The following AMPD3 variants were observed in gnomAD, a reference collection of about 807,000 sequenced individuals.
AMPD3 encodes the protein AMP deaminase 3.
In AMPD3, 57 loss-of-function variants were observed where a neutral mutation model predicts 82.3. The ratio of observed to expected loss-of-function variants is 0.69; its 90% confidence interval spans 0.56 to 0.86. AMPD3 has a LOEUF of 0.86. Among genes scored for constraint, AMPD3 ranks in the 40% least tolerant of loss-of-function variants. AMPD3 has a pLI of 0.00. For synonymous variants in AMPD3, 381 were observed against 394.7 expected (o/e 0.97, Z 0.41); for missense variants, 870 against 1,003.8 (o/e 0.87, Z 1.80).
chr11:10,487,420 G>A, intron 6 of AMPD3, 56 bp downstream of exon 6: 3 of 1,610,150 alleles, frequency 1.9e-6, no homozygotes, highest in Middle Eastern at 1.7e-4. Context: ...CCCAGCCCAT[G>A]GGATGCCCTG....
At chr11:10,457,904 G>A (rs1353053097) in intron 1 of AMPD3, among the ~76,000 whole-genome samples, 1 of 151,506 alleles carries the variant, frequency 6.6e-6, no homozygotes, top group Non-Finnish European at 1.5e-5. Flanking sequence ...ATCAATCAAT[G>A]AATAAATGCA....
intron 2 of AMPD3, among the ~76,000 whole-genome samples, chr11:10,475,725 A>G (rs1354094086): frequency 2.0e-5 from 3 of 152,144 alleles, no homozygotes; most frequent in Non-Finnish European, 4.4e-5. Context: ...AGGGGAGGGC[A>G]GAGAGATTCA....
chr11:10,469,060 C>A (rs1048730003), intron 2 of AMPD3, among the ~76,000 whole-genome samples: 2 of 152,170 alleles, frequency 1.3e-5, no homozygotes. Context: ...AAAATCAACA[C>A]CCTAACATCA....
rs148505327 is a variant in AMPD3 at position 10,481,069 on chromosome 11, T to C, written c.427-994T>C. On this transcript the variant is annotated intron_variant, in intron 3 of 14. Coordinates refer to ENST00000396553, the MANE Select transcript of AMPD3 (RefSeq NM_001025389.2). Reference sequence around the variant, plus strand: ...ACTCAATCAGGTTAGAGTCTGAAATTTGACTCTGTAGCTTCCTGGCAAGTG... The same window carrying C: ...ACTCAATCAGGTTAGAGTCTGAAATCTGACTCTGTAGCTTCCTGGCAAGTG... Among the ~76,000 whole-genome samples the C allele has an allele frequency of 1.1e-3, 164 of 152,326 alleles. 1 individual carries two copies. The highest frequency in any genetic ancestry group is 3.7e-3 in the African/African-American group (154 of 41,576).
At position 10,496,781 on chromosome 11, in the gene AMPD3, A is replaced by G. The variant is rs1314328587; in HGVS notation, c.1431-31A>G. On this transcript the variant is annotated intron_variant, in intron 9 of 14. Transcript: ENST00000396553. ...GACAGGGCAGCAGGCTGTTGGATCC[A>G]CCTGACAAGCGAGTCTTTGCTGTCC... 2.5e-6 allele frequency: 4 copies of G among 1,614,104 alleles called. No individual in the cohort carries two copies. In the East Asian group the frequency reaches 8.9e-5, roughly 36 times the overall value.
chr11:10,503,749 A>G, intron 13 of AMPD3, among the ~76,000 whole-genome samples: 1 of 152,190 alleles, frequency 6.6e-6, no homozygotes, highest in East Asian at 1.9e-4. Flanking sequence ...TAATGTCTTA[A>G]TGGAAGTCAG....
chr11:10,488,663 A>G (rs2133907266), intron 6 of AMPD3, among the ~76,000 whole-genome samples: 1 of 152,102 alleles, frequency 6.6e-6, no homozygotes, highest in South Asian at 2.1e-4. Flanking sequence ...TGTGGTGGCG[A>G]GCTGGGAGAG....
Position 10,496,796 on chromosome 11 carries a change from C to T in AMPD3, c.1431-16C>T, listed in dbSNP as rs769642312. 5.0e-6 allele frequency: 8 copies of T among 1,614,122 alleles called. No homozygotes were observed. The highest frequency in any genetic ancestry group is 2.2e-5 in the South Asian group (2 of 91,078). Reference sequence around the variant, plus strand: ...TGTTGGATCCACCTGACAAGCGAGTCTTTGCTGTCCCCCAGTGACATATTT... The same window carrying T: ...TGTTGGATCCACCTGACAAGCGAGTTTTTGCTGTCCCCCAGTGACATATTT... On this transcript the variant is annotated splice_polypyrimidine_tract_variant and intron_variant, in intron 9 of 14. Coordinates refer to ENST00000396553, the MANE Select transcript of AMPD3 (RefSeq NM_001025389.2).
intron 6 of AMPD3, chr11:10,490,558 C>A: frequency 1.0e-6 from 1 of 985,372 alleles, no homozygotes; most frequent in Non-Finnish European, 1.2e-6. Context: ...CTCTGGTGAA[C>A]TGAAAACACT....
At chr11:10,502,549 G>C (rs1849608116) in intron 12 of AMPD3, 172 bp from the exon 13 acceptor site, 3 of 985,366 alleles carry the variant, frequency 3.0e-6, no homozygotes, top group Non-Finnish European at 3.6e-6. Context: ...TGGGGAAGGG[G>C]AGAGTGGGTC....
chr11:10,496,827 A>G lies in AMPD3; in HGVS notation c.1446A>G (p.Ser482=). 1.2e-6 allele frequency: 2 copies of G among 1,614,188 alleles called. No individual in the cohort carries two copies. The highest frequency in any genetic ancestry group is 1.7e-6 in the Non-Finnish European group (2 of 1,180,032). The change falls in exon 10 of 15, where the codon TCA becomes TCG. Residue 482 remains serine (S), a synonymous_variant. Transcript: ENST00000396553. ...QVPRIYDIFR[S]KKLLPNFGKM... is the part of the protein sequence containing the mutation. ...TGTCCCCCAGTGACATATTTAGGTC[A>G]AAGAAGCTGCTGCCAAACTTTGGGA...
At chr11:10,455,244 T>C (rs1591434106), upstream of AMPD3, 2 of 985,350 alleles carry the variant, frequency 2.0e-6, no homozygotes. Context: ...GGAGGCTATG[T>C]GTCTGTTCTG....
chr11:10,477,049 G>A, intron 2 of AMPD3: 2 of 985,496 alleles, frequency 2.0e-6, no homozygotes, highest in Non-Finnish European at 2.4e-6. Flanking sequence ...AGAGGGCCAT[G>A]GCAAGCACTG....
At position 10,456,325 on chromosome 11, in the gene AMPD3, C is replaced by T; in HGVS notation, c.-6+877C>T. On this transcript the variant is annotated intron_variant, in intron 1 of 14. Coordinates refer to ENST00000396553, the MANE Select transcript of AMPD3 (RefSeq NM_001025389.2). This position sits in a 1 kb window ranked among gnomAD's most constrained non-coding sequence, Gnocchi z 4.3. ...CGCACGCACTGACTCAGCTGAGCCT[C>T]CTGGGTGGCAGGCAGCACCTCACCC... The T allele has an allele frequency of 4.3e-6, 7 of 1,612,406 alleles. No individual in the cohort carries two copies. The highest frequency in any genetic ancestry group is 5.9e-6 in the Non-Finnish European group (7 of 1,178,828).
chr11:10,457,274 G>A (rs971850154), intron 1 of AMPD3, among the ~76,000 whole-genome samples: 5 of 151,902 alleles, frequency 3.3e-5, no homozygotes, highest in African/African-American at 7.3e-5. Context: ...CACTGCACCC[G>A]GTCTTGGAAT....
chr11:10,502,012 G>T, intron 12 of AMPD3: 1 of 985,450 alleles, frequency 1.0e-6, no homozygotes, highest in Non-Finnish European at 1.2e-6. Flanking sequence ...GTTGTTGGAT[G>T]AAGGGTCTGC....
At position 10,456,441 on chromosome 11, in the gene AMPD3, G is replaced by A. The variant is rs777549288; in HGVS notation, c.-6+993G>A. ...CTTCTGCAAGGGGAGTCTGGCAAGAGTAGGAACCAGCTTCCTTCGTATAAC... is the reference window on the plus strand; with the variant it reads ...CTTCTGCAAGGGGAGTCTGGCAAGAATAGGAACCAGCTTCCTTCGTATAAC... On this transcript the variant is annotated intron_variant, in intron 1 of 14. Transcript: ENST00000396553. The surrounding 1 kb of genome is among the most constrained non-coding windows in gnomAD (Gnocchi z 4.3). 2 of 1,613,804 alleles carry A rather than the reference G, an allele frequency of 1.2e-6. No homozygotes were observed. Among genetic ancestry groups the A allele is most frequent in the Middle Eastern group, 1.7e-4 (1 of 6,056 alleles).
chr11:10,452,737 A>C (rs146609298), upstream of AMPD3, among the ~76,000 whole-genome samples: 353 of 152,328 alleles, frequency 2.3e-3, 1 homozygote, highest in African/African-American at 8.0e-3. Flanking sequence ...GTTGGCAGAT[A>C]ATGCTTATAA....
chr11:10,468,534 C>T (rs1011752947), intron 2 of AMPD3, among the ~76,000 whole-genome samples: 1 of 152,140 alleles, frequency 6.6e-6, no homozygotes, highest in African/African-American at 2.4e-5. Context: ...GTCTTAGAGA[C>T]CTACAAAGAG....
Sources: allele counts gnomAD v4.1 joint callset (sites outside exome capture counted in the v4.1 genomes callset), GRCh38; gene constraint gnomAD v4.1.1; non-coding constraint Gnocchi (gnomAD v3.1); transcripts MANE v1.5; gene names NCBI Gene and HGNC (gene_info 2026-07-23, HGNC 2026-07-21).